Variants in TMEM132D observed in about 807,000 individuals in gnomAD.
TMEM132D encodes the protein mature OL transmembrane protein.
TMEM132D carries 21 observed loss-of-function variants against 62.3 expected under a neutral mutation model. That is an observed-to-expected ratio of 0.34 (90% CI 0.24 to 0.49). The LOEUF (loss-of-function observed/expected upper bound fraction) is 0.49. TMEM132D is among the 20% of genes least tolerant of loss of function. The pLI, the probability that TMEM132D is intolerant of heterozygous loss-of-function variation, is 0.99. For synonymous variants in TMEM132D, 621 were observed against 575.6 expected (o/e 1.08, Z -1.13); for missense variants, 1,346 against 1,402.8 (o/e 0.96, Z 0.65).
At chr12:129,216,491 G>T (rs1431796846) in intron 4 of TMEM132D, among the ~76,000 whole-genome samples, 1 of 152,168 alleles carries the variant, frequency 6.6e-6, no homozygotes, top group African/African-American at 2.4e-5. Flanking sequence ...CCAGAGATTG[G>T]GGTGATCCAT....
At chr12:129,649,835 CATGT>C (rs1024308992) in intron 2 of TMEM132D, among the ~76,000 whole-genome samples, 5 of 149,584 alleles carry the variant, frequency 3.3e-5, no homozygotes, top group African/African-American at 7.4e-5. Flanking sequence ...TGCGTATGTG[CATGT>C]ATTTGTATGT....
intron 3 of TMEM132D, among the ~76,000 whole-genome samples, chr12:129,459,554 C>T (rs1242903602): frequency 6.6e-6 from 1 of 152,054 alleles, no homozygotes; most frequent in Non-Finnish European, 1.5e-5. Context: ...CAAAAGTGTG[C>T]CAAGAGGAAT....
At chr12:129,736,812 C>A (rs977598257) in intron 1 of TMEM132D, among the ~76,000 whole-genome samples, 2 of 137,992 alleles carry the variant, frequency 1.4e-5, no homozygotes, top group East Asian at 2.1e-4. Context: ...TATGATGGTG[C>A]CTTTTTTTTT....
At chr12:129,205,697 A>T (rs749948481) in intron 5 of TMEM132D, among the ~76,000 whole-genome samples, 8 of 152,138 alleles carry the variant, frequency 5.3e-5, no homozygotes, top group Non-Finnish European at 1.2e-4. Flanking sequence ...CTCCACCCCT[A>T]AACAATAGAA....
chr12:129,524,919 T>TC lies in TMEM132D; in HGVS notation c.1115+6139dup, dbSNP rs1875968586. Among the ~76,000 whole-genome samples, 3 of 88,978 alleles carry TC rather than the reference T, an allele frequency of 3.4e-5. No homozygotes were observed. In the Admixed American group the frequency reaches 6.1e-4, roughly 18 times the overall value. 58.4% of individuals were successfully genotyped at this position (88,978 alleles called of 152,430 possible). ...ACATTTTATTATTTTCATATTTTTTTCTTTTTTCTTTTTTTTTTTTTTTTT... is the reference window on the plus strand; with the variant it reads ...ACATTTTATTATTTTCATATTTTTTTCCTTTTTTCTTTTTTTTTTTTTTTTT... On this transcript the variant is annotated intron_variant, in intron 3 of 8. Transcript: ENST00000422113.
At position 129,078,644 on chromosome 12, in the gene TMEM132D, C is replaced by T. The variant is rs143218514; in HGVS notation, c.2005G>A (p.Gly669Arg). 26 of 1,614,022 alleles carry T rather than the reference C, an allele frequency of 1.6e-5. No homozygotes were observed. The highest frequency in any genetic ancestry group is 2.7e-5 in the African/African-American group (2 of 74,910). The change falls in exon 8 of 9, where the codon GGG becomes AGG. Residue 669 changes from glycine (G) to arginine (R), a missense_variant. Physicochemically the swap from Gly to Arg is moderately radical, Grantham distance 125. Transcript: ENST00000422113. ...LDEKVTITDL[G>R]VQLVTGLSLS... The stretch of plus-strand genomic sequence containing the variant: ...GACAGCCCTGTCACCAGCTGCACCC[C>T]GAGGTCTGTGATGGTCACCTTCTCG...
At chr12:129,508,095 A>G (rs1362135419) in intron 3 of TMEM132D, among the ~76,000 whole-genome samples, 1 of 152,140 alleles carries the variant, frequency 6.6e-6, no homozygotes, top group African/African-American at 2.4e-5. Flanking sequence ...CTCTCACTAG[A>G]TTTGGGAACA....
chr12:129,337,201 C>G (rs1224221931), intron 4 of TMEM132D, among the ~76,000 whole-genome samples: 1 of 151,980 alleles, frequency 6.6e-6, no homozygotes, highest in Non-Finnish European at 1.5e-5. Flanking sequence ...GGGGACCAGG[C>G]GGGTGTTTGC....
chr12:129,245,933 AT>A (rs1406093083), intron 4 of TMEM132D, among the ~76,000 whole-genome samples: 3 of 152,134 alleles, frequency 2.0e-5, no homozygotes, highest in Non-Finnish European at 4.4e-5. Flanking sequence ...AAACTAGAAA[AT>A]CTGCCACTCT....
At chr12:129,405,544 C>T (rs1188840644) in intron 3 of TMEM132D, among the ~76,000 whole-genome samples, 3 of 152,060 alleles carry the variant, frequency 2.0e-5, no homozygotes, top group Admixed American at 1.3e-4. Context: ...GGAGGTGGGT[C>T]GGGAGGTCCT....
At chr12:129,286,491 T>C (rs1881299874) in intron 4 of TMEM132D, among the ~76,000 whole-genome samples, 1 of 152,108 alleles carries the variant, frequency 6.6e-6, no homozygotes, top group Non-Finnish European at 1.5e-5. Context: ...TATGGCTAAA[T>C]AAATAGAAAG....
intron 1 of TMEM132D, among the ~76,000 whole-genome samples, chr12:129,866,458 G>C (rs571650582): frequency 7.7e-6 from 1 of 130,532 alleles, no homozygotes; most frequent in Non-Finnish European, 1.6e-5. Context: ...TGGGGGGAGG[G>C]GGGAGGGATA....
In TMEM132D at chr12:129,485,031, CA is replaced by C. The variant is rs572433526; in HGVS notation, c.1115+46027del. 1.1e-3 allele frequency among the ~76,000 whole-genome samples: 173 copies of C among 152,274 alleles called. 2 individuals carry two copies. The South Asian group carries it at 0.034, about 30-fold the overall frequency. ...CCTTCTAGCCAACATTCCAGGTGCC[CA>C]GGCCTGTTAAGACCGTGAGATAAGC... is the stretch of plus-strand genomic sequence containing the variant. On this transcript the variant is annotated intron_variant, in intron 3 of 8. Transcript: ENST00000422113.
At chr12:129,769,489 G>A (rs1593154975) in intron 1 of TMEM132D, among the ~76,000 whole-genome samples, 1 of 152,142 alleles carries the variant, frequency 6.6e-6, no homozygotes, top group Non-Finnish European at 1.5e-5. Flanking sequence ...AATTACGGGA[G>A]CTACAATTCA....
At chr12:129,184,140 TCAC>T (rs1233034096) in intron 5 of TMEM132D, among the ~76,000 whole-genome samples, 3 of 152,194 alleles carry the variant, frequency 2.0e-5, no homozygotes, top group South Asian at 2.1e-4. Context: ...CTCACCCCTG[TCAC>T]CACCAAGTCT....
Position 129,700,345 on chromosome 12 carries a change from C to A in TMEM132D, c.433G>T (p.Val145Leu). ...RDKVYLSRPK[V>L]QVLFHIMGRD... ...CCCATGATGTGGAACAGAACCTGCA[C>A]TTTGGGCCGGCTCAGGTAGACTTTG... The change falls in exon 2 of 9, where the codon GTG becomes TTG. Residue 145 changes from valine (V) to leucine (L), a missense_variant. By Grantham distance (32) the Val-to-Leu change is conservative. Transcript: ENST00000422113. 1 of 1,614,040 alleles carries A rather than the reference C, an allele frequency of 6.2e-7. No homozygotes were observed.
chr12:129,701,432 G>A (rs1239059462), intron 1 of TMEM132D, among the ~76,000 whole-genome samples: 4 of 152,120 alleles, frequency 2.6e-5, no homozygotes, highest in East Asian at 3.9e-4. Flanking sequence ...TGTCAGGGCC[G>A]GGCGTACAAA....
At chr12:129,836,143 A>T (rs1306015722) in intron 1 of TMEM132D, among the ~76,000 whole-genome samples, 1 of 152,228 alleles carries the variant, frequency 6.6e-6, no homozygotes, top group Non-Finnish European at 1.5e-5. Flanking sequence ...GTCATGTTTC[A>T]TATGGAGTGT....
chr12:129,826,082 A>G (rs1034683162), intron 1 of TMEM132D, among the ~76,000 whole-genome samples: 5 of 152,140 alleles, frequency 3.3e-5, no homozygotes, highest in Admixed American at 3.3e-4. Flanking sequence ...AGTTAATAAA[A>G]TAAAAAGTAT....
Sources: allele counts gnomAD v4.1 joint callset (sites outside exome capture counted in the v4.1 genomes callset), GRCh38; gene constraint gnomAD v4.1.1; transcripts MANE v1.5; gene names NCBI Gene and HGNC (gene_info 2026-07-23, HGNC 2026-07-21).